NCAM2: variants seen among roughly 807,000 people sequenced by gnomAD.
NCAM2 encodes neural cell adhesion molecule 2, also known as N-CAM-2.
In NCAM2, 30 loss-of-function variants were observed where a neutral mutation model predicts 98.1. That is an observed-to-expected ratio of 0.31 (90% CI 0.23 to 0.41). The LOEUF (loss-of-function observed/expected upper bound fraction) is 0.41, where lower values mean the gene tolerates loss of function less well. Among genes scored for constraint, NCAM2 ranks in the 10% least tolerant of loss-of-function variants. The probability of loss-of-function intolerance (pLI) is 1.00; values close to 1 mark genes in which losing one functional copy is unlikely to be tolerated. For missense variants in NCAM2, 867 were observed against 1,005.8 expected (o/e 0.86, Z 1.87); for synonymous variants, 368 against 342.4 (o/e 1.07, Z -0.83).
At chr21:21,080,278 T>C (rs1172236766) in intron 1 of NCAM2, among the ~76,000 whole-genome samples, 2 of 152,090 alleles carry the variant, frequency 1.3e-5, no homozygotes, top group African/African-American at 4.8e-5. Context: ...AGATAAAATG[T>C]CCAAAAAACC....
chr21:21,281,870 G>A (rs935452219), intron 2 of NCAM2, among the ~76,000 whole-genome samples: 1 of 151,226 alleles, frequency 6.6e-6, no homozygotes, highest in African/African-American at 2.4e-5. Flanking sequence ...TAAATATAGA[G>A]ATATAATATT....
chr21:21,167,096 G>T (rs1042353623), intron 1 of NCAM2, among the ~76,000 whole-genome samples: 1 of 151,946 alleles, frequency 6.6e-6, no homozygotes, highest in Non-Finnish European at 1.5e-5. Flanking sequence ...TATGTAAATG[G>T]CTTTCTAGAT....
chr21:21,133,171 G>C (rs372811895), intron 1 of NCAM2, among the ~76,000 whole-genome samples: 44 of 152,190 alleles, frequency 2.9e-4, no homozygotes, highest in Middle Eastern at 3.4e-3. Flanking sequence ...GTAAGCTACA[G>C]TACAAACAAA....
At chr21:21,090,352 G>A (rs1195346685) in intron 1 of NCAM2, among the ~76,000 whole-genome samples, 2 of 152,016 alleles carry the variant, frequency 1.3e-5, no homozygotes, top group Admixed American at 6.6e-5. Context: ...AAAACATACT[G>A]AAAATGTCAA....
intron 12 of NCAM2, among the ~76,000 whole-genome samples, chr21:21,433,796 A>AATAAAAT (rs1555894938): frequency 6.9e-6 from 1 of 145,114 alleles, no homozygotes; most frequent in African/African-American, 2.6e-5. Flanking sequence ...AAAATAAAAT[A>AATAAAAT]AAAATAAAAG....
chr21:21,421,559 A>G (rs2077111954), intron 11 of NCAM2, among the ~76,000 whole-genome samples: 1 of 152,174 alleles, frequency 6.6e-6, no homozygotes, highest in Admixed American at 6.5e-5. Context: ...ACATTTATAA[A>G]TATGCTTTAT....
chr21:21,175,646 G>A (rs1369348997), intron 1 of NCAM2, among the ~76,000 whole-genome samples: 1 of 152,212 alleles, frequency 6.6e-6, no homozygotes, highest in African/African-American at 2.4e-5. Context: ...TGTAGAAACC[G>A]TTAAGGGTTT....
At chr21:21,446,814 G>A (rs1014057223) in intron 12 of NCAM2, among the ~76,000 whole-genome samples, 3 of 151,860 alleles carry the variant, frequency 2.0e-5, no homozygotes, top group African/African-American at 7.3e-5. Context: ...GTTACAAAGA[G>A]AATAAAATGC....
At chr21:21,475,800 A>G (rs17003875) in intron 14 of NCAM2, among the ~76,000 whole-genome samples, 6,490 of 152,208 alleles carry the variant, frequency 0.043, 466 homozygotes, top group African/African-American at 0.15. Context: ...CTTCATTTTT[A>G]CACGAAATAG....
intron 1 of NCAM2, among the ~76,000 whole-genome samples, chr21:21,244,172 C>T (rs2071174497): frequency 6.6e-6 from 1 of 152,082 alleles, no homozygotes; most frequent in Admixed American, 6.6e-5. Context: ...ACAGGCCATC[C>T]TCTTTTATTC....
chr21:21,386,897 A>G (rs1219373194), intron 9 of NCAM2, among the ~76,000 whole-genome samples: 2 of 152,152 alleles, frequency 1.3e-5, no homozygotes, highest in African/African-American at 4.8e-5. Flanking sequence ...CGTCTGTTTA[A>G]CAGTCAGAAA....
At chr21:21,181,983 A>T (rs914200370) in intron 1 of NCAM2, among the ~76,000 whole-genome samples, 1 of 151,206 alleles carries the variant, frequency 6.6e-6, no homozygotes, top group African/African-American at 2.4e-5. Flanking sequence ...GCTTGATCCC[A>T]GGAGTTTGAG....
chr21:21,530,562 TCA>T (rs893526927), intron 16 of NCAM2, among the ~76,000 whole-genome samples: 7 of 150,538 alleles, frequency 4.6e-5, no homozygotes, highest in Admixed American at 1.3e-4. Flanking sequence ...ACACACACAC[TCA>T]CACACACAGA....
intron 15 of NCAM2, among the ~76,000 whole-genome samples, chr21:21,482,212 A>G (rs1015762488): frequency 3.9e-5 from 6 of 152,190 alleles, no homozygotes; most frequent in African/African-American, 1.4e-4. Flanking sequence ...TGTTTGATTT[A>G]GATCTAGGTT....
At chr21:21,278,971 C>T (rs1293637608) in intron 1 of NCAM2, among the ~76,000 whole-genome samples, 2 of 152,032 alleles carry the variant, frequency 1.3e-5, no homozygotes, top group African/African-American at 4.8e-5. Context: ...TGCTTACAGG[C>T]CTTATTTCAC....
At chr21:21,181,864 G>A (rs1027312409) in intron 1 of NCAM2, among the ~76,000 whole-genome samples, 7 of 151,784 alleles carry the variant, frequency 4.6e-5, no homozygotes, top group African/African-American at 1.7e-4. Context: ...CCCATAGGAT[G>A]TAATCTCTGT....
chr21:21,168,492 A>T (rs1006844143), intron 1 of NCAM2, among the ~76,000 whole-genome samples: 5 of 152,272 alleles, frequency 3.3e-5, no homozygotes, highest in African/African-American at 1.2e-4. Context: ...CTGGAAAGGA[A>T]TAAATAAAAC....
chr21:21,329,155 T>C (rs781345841), intron 6 of NCAM2, among the ~76,000 whole-genome samples: 32 of 152,182 alleles, frequency 2.1e-4, no homozygotes, highest in Admixed American at 3.3e-4. Flanking sequence ...GGTTTCACCA[T>C]GTTGGTGAGG....
intron 5 of NCAM2, among the ~76,000 whole-genome samples, chr21:21,324,143 T>G (rs1014511707): frequency 2.0e-5 from 3 of 152,176 alleles, no homozygotes; most frequent in South Asian, 2.1e-4. Context: ...TTTGGACATA[T>G]GTAACAAACC....
Sources: allele counts gnomAD v4.1 joint callset (sites outside exome capture counted in the v4.1 genomes callset), GRCh38; gene constraint gnomAD v4.1.1; transcripts MANE v1.5; gene names NCBI Gene and HGNC (gene_info 2026-07-23, HGNC 2026-07-21).